The following MARK1 variants were observed in gnomAD, a reference collection of about 807,000 sequenced individuals.
The protein encoded by MARK1 is microtubule affinity regulating kinase 1.
In MARK1, 40 loss-of-function variants were observed where a neutral mutation model predicts 96.3. The ratio of observed to expected loss-of-function variants is 0.42; its 90% CI spans 0.32 to 0.54. MARK1 has a LOEUF of 0.54. Among genes scored for constraint, MARK1 ranks in the 20% least tolerant of loss-of-function variants. The pLI is 0.16. For synonymous variants in MARK1, 317 were observed against 341.2 expected, an observed-to-expected ratio of 0.93 and a Z score of 0.78; for missense variants, 719 against 984.6, an observed-to-expected ratio of 0.73 and a Z score of 3.61.
intron 13 of MARK1, among the ~76,000 whole-genome samples, chr1:220,641,900 G>T (rs1286107892): frequency 6.6e-6 from 1 of 152,214 alleles, no homozygotes; most frequent in Non-Finnish European, 1.5e-5. Flanking sequence ...TTTTCCCACA[G>T]ATTTTTGCAA....
intron 3 of MARK1, among the ~76,000 whole-genome samples, chr1:220,587,314 T>C (rs1242951104): frequency 4.8e-5 from 5 of 103,268 alleles, no homozygotes; most frequent in African/African-American, 1.7e-4. Context: ...CCTCCCTCCC[T>C]CTCTCTCTCT....
At chr1:220,635,239 A>T in intron 11 of MARK1, 137 bp from the exon 12 acceptor site, 2 of 786,512 alleles carry the variant, frequency 2.5e-6, no homozygotes, top group Non-Finnish European at 1.9e-6. Context: ...TTCTAGGCCC[A>T]ATACTACACT....
At chr1:220,594,671 C>G (rs528375974) in intron 3 of MARK1, among the ~76,000 whole-genome samples, 1 of 152,260 alleles carries the variant, frequency 6.6e-6, no homozygotes, top group South Asian at 2.1e-4. Context: ...TACATCCAGA[C>G]AGCAGAATAT....
At chr1:220,625,164 G>A (rs1277144878) in intron 9 of MARK1, among the ~76,000 whole-genome samples, 1 of 152,242 alleles carries the variant, frequency 6.6e-6, no homozygotes, top group Non-Finnish European at 1.5e-5. Flanking sequence ...CACAGCCTTT[G>A]TCCTCAAGGA....
rs1558323543 is a variant in MARK1 at position 220,649,699 on chromosome 1, G to GT, written c.1471-914dup. 3.9e-5 allele frequency among the ~76,000 whole-genome samples: 6 copies of GT among 152,108 alleles called. No individual in the cohort carries two copies. The South Asian group carries it at 6.2e-4, about 16-fold the overall frequency. ...TCTGTATTCAGTTTTGTTTATATGA[G>GT]TTTTTTTCCTTCTTCAAAGTGAATT... On this transcript the variant is annotated intron_variant, in intron 13 of 17. Transcript: ENST00000366917.
At chr1:220,581,252 T>C (rs899946564) in intron 3 of MARK1, 134 bp downstream of exon 3, 9 of 359,862 alleles carry the variant, frequency 2.5e-5, no homozygotes, top group Non-Finnish European at 4.2e-5. Context: ...AAAGACATAA[T>C]ATAAAATGTA....
intron 10 of MARK1, among the ~76,000 whole-genome samples, chr1:220,631,572 C>T (rs538152614): frequency 1.4e-4 from 21 of 152,198 alleles, no homozygotes; most frequent in Non-Finnish European, 2.9e-4. Flanking sequence ...TCCCTCCTCA[C>T]TCGTCCTGCT....
At chr1:220,600,410 A>C in intron 5 of MARK1, among the ~76,000 whole-genome samples, 1 of 152,204 alleles carries the variant, frequency 6.6e-6, no homozygotes, top group Admixed American at 6.5e-5. Flanking sequence ...AGCAAGATGC[A>C]TTTGTAGTAG....
chr1:220,627,209 A>G, intron 9 of MARK1: 1 of 475,360 alleles, frequency 2.1e-6, no homozygotes, highest in Non-Finnish European at 4.2e-6. Flanking sequence ...GACCCTGACA[A>G]ATGGATCTCG....
chr1:220,640,970 G>A (rs1350692140), intron 13 of MARK1, among the ~76,000 whole-genome samples: 1 of 152,162 alleles, frequency 6.6e-6, no homozygotes, highest in Non-Finnish European at 1.5e-5. Flanking sequence ...TAAGTAAGGT[G>A]CAGGAAAAAC....
intron 1 of MARK1, among the ~76,000 whole-genome samples, chr1:220,556,495 A>AAC (rs1558256319): frequency 1.4e-5 from 2 of 147,642 alleles, no homozygotes; most frequent in African/African-American, 2.5e-5. Context: ...CAAAAAAAAA[A>AAC]AAAAAAAAAA....
At chr1:220,550,026 C>A (rs1294752002) in intron 1 of MARK1, among the ~76,000 whole-genome samples, 3 of 152,158 alleles carry the variant, frequency 2.0e-5, no homozygotes, top group Non-Finnish European at 4.4e-5. Context: ...AATTCATGTT[C>A]TTTGGGCTTG....
In MARK1 at chr1:220,528,763, CG is replaced by C. The variant is rs1297948421; in HGVS notation, c.-56del. 6.6e-7 allele frequency: 1 copy of C among 1,504,270 alleles called. No homozygotes were observed. Among genetic ancestry groups the C allele is most frequent in the Non-Finnish European group, 9.0e-7 (1 of 1,113,692 alleles). The allele number at this position is 1,504,270 out of a possible 1,614,324, so 93.2% of individuals were successfully genotyped here. A position where few individuals can be genotyped will look rare whatever the true frequency, so the allele number is the denominator to read the frequency against. On this transcript the variant is annotated 5_prime_UTR_variant, in exon 1 of 18. Coordinates refer to ENST00000366917, the MANE Select transcript of MARK1 (RefSeq NM_018650.5). Reference sequence around the variant, plus strand: ...TCCGCACCCCTTTCCTGTCGCCCCCCGGGGCCCGCACCACAGCCCGGCCGGC... The same window carrying C: ...TCCGCACCCCTTTCCTGTCGCCCCCCGGGCCCGCACCACAGCCCGGCCGGC...
In MARK1 at chr1:220,635,467, C is replaced by T. The variant is rs746297410; in HGVS notation, c.1214C>T (p.Ala405Val). The change falls in exon 12 of 18, where the codon GCT (alanine) becomes GTT (valine). Residue 405 changes from alanine (A) to valine (V), a missense_variant. Ala to Val is a moderately conservative substitution (Grantham distance 64, BLOSUM62 0). Transcript: ENST00000366917. ...DLNNSTLQSP[A>V]HLKVQRSISA... ...AACAACAGCACTCTTCAGTCCCCTG[C>T]TCACCTGAAGGTCCAGAGAAGTATC... 1 of 1,613,630 alleles carries T rather than the reference C, an allele frequency of 6.2e-7. No homozygotes were observed. The highest frequency in any genetic ancestry group is 2.2e-5 in the East Asian group (1 of 44,866).
chr1:220,596,811 T>C (rs545562490), intron 3 of MARK1, among the ~76,000 whole-genome samples: 1 of 152,306 alleles, frequency 6.6e-6, no homozygotes, highest in African/African-American at 2.4e-5. Context: ...ATCTCCAGAA[T>C]GTTTTTCGTC....
intron 7 of MARK1, among the ~76,000 whole-genome samples, chr1:220,616,276 C>A (rs745396974): frequency 7.9e-5 from 12 of 152,110 alleles, no homozygotes; most frequent in Non-Finnish European, 1.2e-4. Flanking sequence ...TCGTTCCCAG[C>A]CAAAAGTGTG....
intron 3 of MARK1, among the ~76,000 whole-genome samples, chr1:220,596,724 T>TA (rs1331918174): frequency 1.3e-5 from 2 of 152,188 alleles, no homozygotes; most frequent in East Asian, 1.9e-4. Context: ...TAACAAAACT[T>TA]ACCATTTTAA....
At chr1:220,655,204 A>G (rs1669099471) in intron 16 of MARK1, among the ~76,000 whole-genome samples, 1 of 151,872 alleles carries the variant, frequency 6.6e-6, no homozygotes, top group African/African-American at 2.4e-5. Context: ...CAACCTCTAA[A>G]TATTAGAATG....
At chr1:220,548,535 T>A (rs943166136) in intron 1 of MARK1, among the ~76,000 whole-genome samples, 4 of 151,952 alleles carry the variant, frequency 2.6e-5, no homozygotes, top group Admixed American at 2.6e-4. Flanking sequence ...AGGTCAGGGG[T>A]TTGAGACCAA....
Sources: allele counts gnomAD v4.1 joint callset (sites outside exome capture counted in the v4.1 genomes callset), GRCh38; gene constraint gnomAD v4.1.1; transcripts MANE v1.5; gene names NCBI Gene and HGNC (gene_info 2026-07-23, HGNC 2026-07-21).